The following RPS6KA2 variants were observed in gnomAD, a reference collection of about 807,000 sequenced individuals.
The protein encoded by RPS6KA2 is ribosomal protein S6 kinase alpha-2.
In RPS6KA2, 42 loss-of-function variants were observed where a neutral mutation model predicts 91.8. That is an observed-to-expected ratio of 0.46 (90% CI 0.36 to 0.59). The LOEUF is 0.59. Ranked by LOEUF, RPS6KA2 falls within the 20% of genes least tolerant of loss-of-function variation. The pLI is 0.00. For synonymous variants in RPS6KA2, 414 were observed against 393.6 expected (o/e 1.05, Z -0.61); for missense variants, 798 against 978.5 (o/e 0.82, Z 2.46).
chr6:166,541,252 G>A (rs928934403), intron 1 of RPS6KA2, among the ~76,000 whole-genome samples: 10 of 152,230 alleles, frequency 6.6e-5, no homozygotes, highest in South Asian at 2.1e-4. Context: ...ATTCAACACC[G>A]CCCAGAGGTG....
rs1006300131 is a variant in RPS6KA2 at position 166,508,413 on chromosome 6, C to T, written c.380-131G>A. On this transcript the variant is annotated intron_variant, in intron 4 of 20. Coordinates refer to ENST00000265678, the MANE Select transcript of RPS6KA2 (RefSeq NM_021135.6). The surrounding 1 kb of genome is among the most constrained non-coding windows in gnomAD (Gnocchi z 4.3). ...AGTCACTTGAGAAACGGCAGGACCC[C>T]GGCTGGTGACCAGCTCAGAGGGGCA... The T allele has an allele frequency of 1.6e-5, 10 of 635,732 alleles. No individual in the cohort carries two copies. Among genetic ancestry groups the T allele is most frequent in the African/African-American group, 5.4e-5 (3 of 55,366 alleles). 39.4% of individuals were successfully genotyped at this position (635,732 alleles called of 1,614,324 possible).
chr6:166,586,253 A>C (rs1583302907), intron 1 of RPS6KA2: 2 of 1,596,036 alleles, frequency 1.3e-6, no homozygotes, highest in Non-Finnish European at 8.5e-7. Flanking sequence ...ATCGATTGTC[A>C]CTTGGCCACC....
In RPS6KA2 at chr6:166,428,521, TA is replaced by T. The variant is rs1779006711; in HGVS notation, c.1581+1931del. The stretch of plus-strand genomic sequence containing the variant: ...CTACCATCAGAGTGAACAGGCAACC[TA>T]CAAAATGGGAGAAAATTTTCGCAAC... On this transcript the variant is annotated intron_variant, in intron 16 of 20. Coordinates refer to ENST00000265678, the MANE Select transcript of RPS6KA2 (RefSeq NM_021135.6). Among the ~76,000 whole-genome samples the T allele has an allele frequency of 8.0e-5, 11 of 137,758 alleles. No homozygotes were observed. The South Asian group carries it at 2.7e-3, about 33-fold the overall frequency. The allele number at this position is 137,758 out of a possible 152,430, so 90.4% of individuals were successfully genotyped here. A position where few individuals can be genotyped will look rare whatever the true frequency, so the allele number is the denominator to read the frequency against.
intron 3 of RPS6KA2, among the ~76,000 whole-genome samples, chr6:166,519,186 T>C (rs1490805759): frequency 6.6e-6 from 1 of 152,256 alleles, no homozygotes; most frequent in Non-Finnish European, 1.5e-5. Context: ...GAAAACCAAG[T>C]GAAGAGGTTT....
chr6:166,622,254 C>T (rs1481858688), intron 1 of RPS6KA2, among the ~76,000 whole-genome samples: 5 of 151,856 alleles, frequency 3.3e-5, no homozygotes, highest in African/African-American at 1.2e-4. Flanking sequence ...TTTTCCTGAA[C>T]GTAAAGAGAG....
Position 166,803,701 on chromosome 6 carries a change from G to A in RPS6KA2, c.123+54499C>T, listed in dbSNP as rs533021962. ...TCTGTCAAGCAGGAAACCCCACAGA[G>A]ACTGATTTTGTGCCTGTGTTATTCA... On this transcript the variant is annotated intron_variant, in intron 2 of 21. Transcript: ENST00000503859. Among the ~76,000 whole-genome samples the A allele has an allele frequency of 3.0e-4, 45 of 152,304 alleles. 1 individual carries two copies. In the South Asian group the frequency reaches 8.7e-3, roughly 29 times the overall value.
At chr6:166,703,159 A>G (rs943327629) in intron 2 of RPS6KA2, among the ~76,000 whole-genome samples, 2 of 152,272 alleles carry the variant, frequency 1.3e-5, no homozygotes, top group African/African-American at 2.4e-5. Context: ...ATACAGGGGC[A>G]GTCGTGTTTA....
At chr6:166,452,102 A>C (rs988459973) in intron 12 of RPS6KA2, among the ~76,000 whole-genome samples, 1 of 152,150 alleles carries the variant, frequency 6.6e-6, no homozygotes, top group Non-Finnish European at 1.5e-5. Flanking sequence ...ATAGGACAAC[A>C]CTTTTGTCTA....
chr6:166,521,647 T>G (rs559352985), intron 3 of RPS6KA2, among the ~76,000 whole-genome samples: 78 of 152,302 alleles, frequency 5.1e-4, no homozygotes, highest in African/African-American at 1.8e-3. Flanking sequence ...ACCTTGGATC[T>G]CACTAATACA....
rs144302999 is a variant in RPS6KA2, at chr6:166,542,543, C to T, written c.100-3759G>A. ...AGCAACAATTCCAAACATTTTGTAA[C>T]GTAAGAAAGAAAAACTAGAGGTATA... is the stretch of plus-strand genomic sequence containing the variant. On this transcript the variant is annotated intron_variant, in intron 1 of 20. Coordinates refer to ENST00000265678, the MANE Select transcript of RPS6KA2 (RefSeq NM_021135.6). The T allele has an allele frequency of 5.3e-5, 8 of 152,248 alleles. No individual in the cohort carries two copies. In the South Asian group the frequency reaches 1.0e-3, roughly 20 times the overall value. 9.4% of individuals were successfully genotyped at this position (152,248 alleles called of 1,614,324 possible).
intron 2 of RPS6KA2, among the ~76,000 whole-genome samples, chr6:166,793,766 T>C (rs1779155037): frequency 2.6e-5 from 4 of 152,302 alleles, no homozygotes; most frequent in African/African-American, 2.4e-5. Context: ...GGATTCCCTA[T>C]TTAATAAATG....
chr6:166,782,923 A>G (rs1778808213), intron 2 of RPS6KA2, among the ~76,000 whole-genome samples: 2 of 140,986 alleles, frequency 1.4e-5, no homozygotes, highest in African/African-American at 5.8e-5. Flanking sequence ...AGGCTTGTCT[A>G]ATCTCTCTCA....
chr6:166,845,500 T>G (rs1418105589), intron 2 of RPS6KA2, among the ~76,000 whole-genome samples: 1 of 152,124 alleles, frequency 6.6e-6, no homozygotes, highest in Non-Finnish European at 1.5e-5. Context: ...AAATCAAAGT[T>G]ATATCAAGTA....
chr6:166,648,521 C>T lies in RPS6KA2; in HGVS notation c.124-109737G>A, dbSNP rs565431269. 1.1e-4 allele frequency among the ~76,000 whole-genome samples: 16 copies of T among 152,290 alleles called. No homozygotes were observed. Among genetic ancestry groups the T allele is most frequent in the African/African-American group, 2.2e-4 (9 of 41,550 alleles). ...ACAGGCAGCTGGCACGGGAAGGGGA[C>T]GGGCATTTAATAAATGTTTCTGGAT... On this transcript the variant is annotated intron_variant, in intron 2 of 21. Transcript: ENST00000503859. This position sits in a 1 kb window ranked among gnomAD's most constrained non-coding sequence, Gnocchi z 4.8.
intron 2 of RPS6KA2, among the ~76,000 whole-genome samples, chr6:166,721,997 G>C (rs1472245315): frequency 6.6e-6 from 1 of 152,210 alleles, no homozygotes; most frequent in East Asian, 1.9e-4. Flanking sequence ...CATTAAAATA[G>C]TCCACTTTAT....
chr6:166,740,971 G>A (rs769487721), intron 2 of RPS6KA2, among the ~76,000 whole-genome samples: 8 of 152,336 alleles, frequency 5.3e-5, no homozygotes, highest in African/African-American at 1.7e-4. Flanking sequence ...CTGGAAATGC[G>A]CGTATGTCAC....
intron 2 of RPS6KA2, among the ~76,000 whole-genome samples, chr6:166,531,741 A>G (rs569874787): frequency 7.1e-6 from 1 of 140,398 alleles, no homozygotes; most frequent in South Asian, 2.1e-4. Context: ...TTTCAAGAAA[A>G]GCTACTTTCT....
chr6:166,832,666 A>G (rs1780218028), intron 2 of RPS6KA2, among the ~76,000 whole-genome samples: 1 of 152,230 alleles, frequency 6.6e-6, no homozygotes, highest in Non-Finnish European at 1.5e-5. Context: ...ATGTTAGGAA[A>G]TGCAGGAGAT....
chr6:166,428,691 A>G (rs1185123479), intron 16 of RPS6KA2, among the ~76,000 whole-genome samples: 1 of 151,890 alleles, frequency 6.6e-6, no homozygotes, highest in Non-Finnish European at 1.5e-5. Context: ...GCAGCCAAAA[A>G]ACACATGAAA....
Sources: gnomAD v4.1 joint callset for allele counts (sites outside exome capture counted in the v4.1 genomes callset) on GRCh38, gnomAD v4.1.1 for gene constraint, Gnocchi (gnomAD v3.1) non-coding constraint, MANE v1.5 for transcripts, NCBI Gene and HGNC (gene_info 2026-07-23, HGNC 2026-07-21) for gene names.